The following PRCD variants were observed in gnomAD, a reference collection of about 807,000 sequenced individuals.
PRCD encodes photoreceptor disc component.
A neutral mutation model predicts 10.1 loss-of-function variants in PRCD; 12 were observed. The observed-to-expected ratio is 1.18, with a 90% confidence interval of 0.76 to 1.92. PRCD has a LOEUF of 1.92. PRCD is among the 40% of genes most tolerant of loss of function. The pLI, the probability that PRCD is intolerant of heterozygous loss-of-function variation, is 0.00. For missense variants in PRCD, 61 were observed against 72.2 expected (o/e 0.84, Z 0.56); for synonymous variants, 31 against 26.2 (o/e 1.18, Z -0.56).
chr17:76,529,649 G>GCT (rs761553534), intron 1 of PRCD: 129 of 985,322 alleles, frequency 1.3e-4, no homozygotes, highest in Non-Finnish European at 1.5e-4. Flanking sequence ...GGAGAGGGGT[G>GCT]GGAGGGCAGG....
At chr17:76,527,869 A>G (rs752150225) in intron 1 of PRCD, 7 of 444,540 alleles carry the variant, frequency 1.6e-5, no homozygotes, top group Admixed American at 4.7e-5. Flanking sequence ...GGGGGAGCCC[A>G]CTCCTTTCTG....
rs953532247 is a variant in PRCD, at chr17:76,543,812, C to G, written c.*162C>G. On this transcript the variant is annotated 3_prime_UTR_variant, in exon 5 of 5. Transcript: ENST00000592014. ...ATTTGCCTTTCCCCAGTTCCCAGAG[C>G]TCATCCTGTCACTGGCTGCTCTGCT... 4.2e-5 allele frequency: 20 copies of G among 470,954 alleles called. No individual in the cohort carries two copies. The highest frequency in any genetic ancestry group is 8.4e-5 in the Non-Finnish European group (19 of 227,080). 29.2% of individuals were successfully genotyped at this position (470,954 alleles called of 1,614,324 possible).
rs757471313 is a variant in PRCD, at chr17:76,540,215, C to T, written c.74C>T (p.Pro25Leu). ...CGCCGATTTGCCAACCGAGTCCAAC[C>T]GTGAGAAACTGACCGGGCTATGGCT... ...WRRRFANRVQ[P>L]EPSDVDGAAR... The change falls in exon 1 of 5, where the codon CCA (proline) becomes CTA (leucine). Residue 25 changes from proline to leucine, a missense_variant and splice_region_variant. Transcript: ENST00000592014. The surrounding 1 kb of genome is among the most constrained non-coding windows in gnomAD (Gnocchi z 5.0). 1.0e-5 allele frequency: 15 copies of T among 1,454,554 alleles called. No homozygotes were observed. Among genetic ancestry groups the T allele is most frequent in the Middle Eastern group, 3.8e-4 (2 of 5,272 alleles). The allele number at this position is 1,454,554 out of a possible 1,614,324, so 90.1% of individuals were successfully genotyped here.
chr17:76,529,801 G>T, intron 1 of PRCD: 1 of 985,316 alleles, frequency 1.0e-6, no homozygotes, highest in Non-Finnish European at 1.2e-6. Context: ...GTTTCCCATT[G>T]ACTCCCAGGT....
Position 76,540,044 on chromosome 17 carries a change from A to G in PRCD, c.-98A>G, listed in dbSNP as rs2074967280. The G allele has an allele frequency of 2.4e-6, 3 of 1,275,222 alleles. No individual in the cohort carries two copies. Among genetic ancestry groups the G allele is most frequent in the Non-Finnish European group, 1.1e-6 (1 of 896,122 alleles). 79.0% of individuals were successfully genotyped at this position (1,275,222 alleles called of 1,614,324 possible). A position where few individuals can be genotyped will look rare whatever the true frequency, so the allele number is the denominator to read the frequency against. On this transcript the variant is annotated 5_prime_UTR_variant, in exon 1 of 5. Transcript: ENST00000592014. The surrounding 1 kb of genome is among the most constrained non-coding windows in gnomAD (Gnocchi z 5.0). ...CCATCCCCAGCAGGAACCGCAGGAC[A>G]GACGGCAGTGGCTCCTGAGAGCTGG...
In PRCD at chr17:76,540,453, T is replaced by C. The variant is rs1272254918; in HGVS notation, c.75-52T>C. On this transcript the variant is annotated intron_variant, in intron 1 of 4. Coordinates refer to ENST00000592014, the MANE Select transcript of PRCD (RefSeq NM_001077620.3). This position sits in a 1 kb window ranked among gnomAD's most constrained non-coding sequence, Gnocchi z 5.0. ...GCGGCCTGGACCTGTGGAGGGACAGTGAGGGGCTGGGCACAGCCATAGCTC... is the reference window on the plus strand; with the variant it reads ...GCGGCCTGGACCTGTGGAGGGACAGCGAGGGGCTGGGCACAGCCATAGCTC... 3.1e-6 allele frequency: 5 copies of C among 1,591,082 alleles called. No individual in the cohort carries two copies. The highest frequency in any genetic ancestry group is 4.3e-6 in the Non-Finnish European group (5 of 1,159,794).
At chr17:76,549,967 T>C (rs974919834), downstream of PRCD, 1 of 152,288 alleles carries the variant, frequency 6.6e-6, no homozygotes, top group Non-Finnish European at 1.5e-5. Flanking sequence ...TTTTTTTTCT[T>C]TTTTTTGAGA....
In PRCD at chr17:76,540,236, T is replaced by C. The variant is rs201090759; in HGVS notation, c.74+21T>C. On this transcript the variant is annotated intron_variant, in intron 1 of 4. Transcript: ENST00000592014. This position sits in a 1 kb window ranked among gnomAD's most constrained non-coding sequence, Gnocchi z 5.0. ...CAACCGTGAGAAACTGACCGGGCTA[T>C]GGCTGGCGGTTGGTCGGGGGGGGGG... 1,206 of 500,732 alleles carry C rather than the reference T, an allele frequency of 2.4e-3. 15 individuals carry two copies. In the African/African-American group the frequency reaches 0.04, roughly 17 times the overall value. 31.0% of individuals were successfully genotyped at this position (500,732 alleles called of 1,614,324 possible). A position where few individuals can be genotyped will look rare whatever the true frequency, so the allele number is the denominator to read the frequency against.
upstream of PRCD, chr17:76,538,348 C>G: frequency 2.9e-6 from 1 of 339,330 alleles, no homozygotes; most frequent in Non-Finnish European, 6.0e-6. Context: ...GTCCCCCTGC[C>G]CGCCCACCGC....
In PRCD at chr17:76,540,205, C is replaced by A; in HGVS notation, c.64C>A (p.Arg22=). The change falls in exon 1 of 5, where the codon CGA becomes AGA. Residue 22 remains arginine (R), a synonymous_variant. Coordinates refer to ENST00000592014, the MANE Select transcript of PRCD (RefSeq NM_001077620.3). This position sits in a 1 kb window ranked among gnomAD's most constrained non-coding sequence, Gnocchi z 5.0. ...GCTCTGGCGCCGCCGATTTGCCAAC[C>A]GAGTCCAACCGTGAGAAACTGACCG... ...AMLWRRRFAN[R]VQPEPSDVDG... is the part of the protein sequence containing the mutation. 2 of 1,587,432 alleles carry A rather than the reference C, an allele frequency of 1.3e-6. No homozygotes were observed. Among genetic ancestry groups the A allele is most frequent in the Non-Finnish European group, 1.7e-6 (2 of 1,172,158 alleles).
rs368314608 is a variant in PRCD, at chr17:76,540,539, A to G, written c.109A>G (p.Ser37Gly). 6.2e-7 allele frequency: 1 copy of G among 1,613,368 alleles called. No homozygotes were observed. The highest frequency in any genetic ancestry group is 1.3e-5 in the African/African-American group (1 of 74,862). ...PSDVDGAARG[S>G]SLDADPQSSG... ...CGACGTGGATGGGGCAGCTAGGGGC[A>G]GCAGCTTGGATGCGGACCCTCAGTC... The change falls in exon 2 of 5, where the codon AGC becomes GGC. Residue 37 changes from serine to glycine, a missense_variant. Ser to Gly is a moderately conservative substitution (Grantham distance 56). Transcript: ENST00000592014. This position sits in a 1 kb window ranked among gnomAD's most constrained non-coding sequence, Gnocchi z 5.0.
chr17:76,532,452 G>C (rs2143090586), intron 1 of PRCD, among the ~76,000 whole-genome samples: 1 of 151,968 alleles, frequency 6.6e-6, no homozygotes, highest in East Asian at 1.9e-4. Context: ...CAGCGTGTCA[G>C]ACTGGATCCC....
exon 2 of PRCD, chr17:76,553,306 T>C (rs889980851): frequency 2.6e-5 from 4 of 152,242 alleles, no homozygotes; most frequent in African/African-American, 9.6e-5. Flanking sequence ...AGACTTACCA[T>C]GTCTGGTACA....
chr17:76,541,655 G>A (rs556542825), intron 2 of PRCD, among the ~76,000 whole-genome samples: 1 of 152,290 alleles, frequency 6.6e-6, no homozygotes, highest in South Asian at 2.1e-4. Context: ...TAGGCCAGCT[G>A]GCATCATCAT....
chr17:76,530,140 G>GGGAATGTTTCTCTACCACT lies in PRCD; in HGVS notation n.45+2307_45+2308insGGAATGTTTCTCTACCACT. Reference sequence around the variant, plus strand: ...TACCACGGGAATGTTTCTCTACCACGCGTGTCCCGGGCTGCTGGCTGACCT... The same window carrying GGGAATGTTTCTCTACCACT: ...TACCACGGGAATGTTTCTCTACCACGGGAATGTTTCTCTACCACTCGTGTCCCGGGCTGCTGGCTGACCT... On this transcript the variant is annotated intron_variant and non_coding_transcript_variant, in intron 1 of 4. Transcript: ENST00000397633. This position sits in a 1 kb window ranked among gnomAD's most constrained non-coding sequence, Gnocchi z 6.1. The GGGAATGTTTCTCTACCACT allele has an allele frequency of 1.0e-6, 1 of 966,458 alleles. No homozygotes were observed. Among genetic ancestry groups the GGGAATGTTTCTCTACCACT allele is most frequent in the Non-Finnish European group, 1.2e-6 (1 of 812,950 alleles). 59.9% of individuals were successfully genotyped at this position (966,458 alleles called of 1,614,324 possible).
upstream of PRCD, among the ~76,000 whole-genome samples, chr17:76,536,654 T>C (rs529307902): frequency 5.3e-5 from 8 of 152,278 alleles, no homozygotes; most frequent in African/African-American, 1.9e-4. Context: ...CTTGGGGGCA[T>C]GTAGTGCCTG....
intron 1 of PRCD, chr17:76,552,221 G>C (rs922860838): frequency 5.3e-5 from 8 of 151,920 alleles, no homozygotes; most frequent in Non-Finnish European, 1.0e-4. Context: ...TTGAGATGGA[G>C]TCTCGCTCTG....
At position 76,531,473 on chromosome 17, in the gene PRCD, G is replaced by A. The variant is rs1390710074; in HGVS notation, n.45+3640G>A. 1.9e-6 allele frequency: 3 copies of A among 1,610,278 alleles called. No homozygotes were observed. Among genetic ancestry groups the A allele is most frequent in the Non-Finnish European group, 2.5e-6 (3 of 1,176,794 alleles). On this transcript the variant is annotated intron_variant and non_coding_transcript_variant, in intron 1 of 4. Coordinates refer to the PRCD transcript ENST00000397633. This position sits in a 1 kb window ranked among gnomAD's most constrained non-coding sequence, Gnocchi z 7.4. ...GGGGGCGCATACCTTGAAGTACACC[G>A]GTTCCACCTTGTGCTTGAGGGCGTG...
At position 76,543,972 on chromosome 17, in the gene PRCD, G is replaced by C. The variant is rs1055994807; in HGVS notation, c.*322G>C. Reference sequence around the variant, plus strand: ...GCGTGTGTTCCAAACGGGCAGTAGCGTGTGGGAAGGAAAAAGCCTGACACT... The same window carrying C: ...GCGTGTGTTCCAAACGGGCAGTAGCCTGTGGGAAGGAAAAAGCCTGACACT... On this transcript the variant is annotated 3_prime_UTR_variant, in exon 5 of 5. Coordinates refer to ENST00000592014, the MANE Select transcript of PRCD (RefSeq NM_001077620.3). The C allele has an allele frequency of 4.3e-6, 2 of 464,272 alleles. No homozygotes were observed. Among genetic ancestry groups the C allele is most frequent in the Admixed American group, 4.7e-5 (2 of 42,564 alleles). 28.8% of individuals were successfully genotyped at this position (464,272 alleles called of 1,614,324 possible).
Sources: allele counts gnomAD v4.1 joint callset (sites outside exome capture counted in the v4.1 genomes callset), GRCh38; gene constraint gnomAD v4.1.1; non-coding constraint Gnocchi (gnomAD v3.1); transcripts MANE v1.5; gene names NCBI Gene and HGNC (gene_info 2026-07-23, HGNC 2026-07-21).